PLD1: variants seen among roughly 807,000 people sequenced by gnomAD.
PLD1 encodes the protein choline phosphatase 1.
A neutral mutation model predicts 137.1 loss-of-function variants in PLD1; 112 were observed. The ratio of observed to expected loss-of-function variants is 0.82; its 90% CI spans 0.70 to 0.96. The LOEUF is 0.96. Among genes scored for constraint, PLD1 ranks in the 40% least tolerant of loss-of-function variants. The pLI is 0.00. For synonymous variants in PLD1, 431 were observed against 454.7 expected (o/e 0.95, Z 0.66); for missense variants, 1,321 against 1,342.0 (o/e 0.98, Z 0.24).
chr3:171,787,256 A>G (rs1723044701), intron 1 of PLD1, among the ~76,000 whole-genome samples: 1 of 152,138 alleles, frequency 6.6e-6, no homozygotes, highest in Non-Finnish European at 1.5e-5. Context: ...GGTTTTACCG[A>G]GTCTGTATGG....
intron 23 of PLD1, among the ~76,000 whole-genome samples, chr3:171,632,259 C>A (rs1734731697): frequency 6.6e-6 from 1 of 152,142 alleles, no homozygotes; most frequent in African/African-American, 2.4e-5. Flanking sequence ...ATCATGAAAG[C>A]TCTGCCACCC....
At chr3:171,690,781 C>T (rs1354406415) in intron 13 of PLD1, among the ~76,000 whole-genome samples, 2 of 152,296 alleles carry the variant, frequency 1.3e-5, no homozygotes, top group Non-Finnish European at 2.9e-5. Context: ...CCCAAGTGCA[C>T]TTGAGAAGAA....
At chr3:171,780,371 A>AT (rs1341797517) in intron 1 of PLD1, among the ~76,000 whole-genome samples, 1 of 152,242 alleles carries the variant, frequency 6.6e-6, no homozygotes, top group Non-Finnish European at 1.5e-5. Context: ...TAAGTCTGAG[A>AT]TTCAGGACTT....
Position 171,602,559 on chromosome 3 carries a change from C to T in PLD1, c.*519G>A, listed in dbSNP as rs1166046318. ...CTCATTTGGGTGAATGTTACTACTT[C>T]AGGACCAGATGAGCAGGGGCATCCC... On this transcript the variant is annotated 3_prime_UTR_variant, in exon 27 of 27. Coordinates refer to ENST00000351298, the MANE Select transcript of PLD1 (RefSeq NM_002662.5). 6.0e-6 allele frequency: 1 copy of T among 165,594 alleles called. No individual in the cohort carries two copies. The highest frequency in any genetic ancestry group is 1.3e-5 in the Non-Finnish European group (1 of 75,522). The allele number at this position is 165,594 out of a possible 1,614,324, so 10.3% of individuals were successfully genotyped here. A position where few individuals can be genotyped will look rare whatever the true frequency, so the allele number is the denominator to read the frequency against.
At chr3:171,765,951 T>C (rs972469401) in intron 1 of PLD1, among the ~76,000 whole-genome samples, 2 of 152,316 alleles carry the variant, frequency 1.3e-5, no homozygotes, top group East Asian at 3.9e-4. Context: ...TTTAATTAGC[T>C]ATAAAAACCT....
Position 171,763,450 on chromosome 3 carries a change from AGGAGG to A in PLD1, c.-31-25373_-31-25369del, listed in dbSNP as rs1175069900. ...AAACAGAGAAGAAAAGAAGAGAAAGAGGAGGGGAGGGGAGGGGAGGGGAGGGGAGG... is the reference window on the plus strand; with the variant it reads ...AAACAGAGAAGAAAAGAAGAGAAAGAGGAGGGGAGGGGAGGGGAGGGGAGG... On this transcript the variant is annotated intron_variant, in intron 1 of 26. Coordinates refer to ENST00000351298, the MANE Select transcript of PLD1 (RefSeq NM_002662.5). 7.9e-3 allele frequency among the ~76,000 whole-genome samples: 570 copies of A among 71,762 alleles called. 14 individuals carry two copies. The highest frequency in any genetic ancestry group is 9.5e-3 in the African/African-American group (140 of 14,768). 47.1% of individuals were successfully genotyped at this position (71,762 alleles called of 152,430 possible).
intron 1 of PLD1, among the ~76,000 whole-genome samples, chr3:171,804,941 C>T (rs1423010136): frequency 2.0e-5 from 3 of 152,202 alleles, no homozygotes; most frequent in East Asian, 3.8e-4. Flanking sequence ...TTTGTTTCTC[C>T]CCTCCCTTTC....
At chr3:171,666,127 CT>C (rs1392713000) in intron 19 of PLD1, 2 of 152,234 alleles carry the variant, frequency 1.3e-5, no homozygotes, top group Non-Finnish European at 2.9e-5. Flanking sequence ...GCTTTAAATG[CT>C]TGATGGCCTA....
chr3:171,616,331 G>C (rs749729938), intron 24 of PLD1, among the ~76,000 whole-genome samples: 35 of 152,082 alleles, frequency 2.3e-4, no homozygotes, highest in Non-Finnish European at 4.0e-4. Flanking sequence ...TTTGTGGTTT[G>C]TGCTTATTTT....
chr3:171,727,486 T>C (rs1466531921), intron 6 of PLD1, among the ~76,000 whole-genome samples: 2 of 152,224 alleles, frequency 1.3e-5, no homozygotes, highest in African/African-American at 4.8e-5. Context: ...TTGCAGATCG[T>C]TTTGAAAAGT....
chr3:171,680,513 C>T (rs1214118890), intron 16 of PLD1, among the ~76,000 whole-genome samples: 12 of 152,142 alleles, frequency 7.9e-5, no homozygotes, highest in African/African-American at 1.9e-4. Context: ...GGATTACAGG[C>T]GTGAGCCACC....
At chr3:171,653,685 G>GAATATC (rs1736972175) in intron 21 of PLD1, 1 of 136,262 alleles carries the variant, frequency 7.3e-6, no homozygotes, top group African/African-American at 2.6e-5. Context: ...ATTTGAATAT[G>GAATATC]ATGCCTCTTT....
chr3:171,785,498 G>C (rs1433474773), intron 1 of PLD1, among the ~76,000 whole-genome samples: 3 of 150,502 alleles, frequency 2.0e-5, no homozygotes, highest in Admixed American at 1.3e-4. Context: ...GAGTGCACTG[G>C]CATGATCTCA....
intron 8 of PLD1, among the ~76,000 whole-genome samples, chr3:171,722,701 A>G (rs1718219436): frequency 6.6e-6 from 1 of 152,182 alleles, no homozygotes; most frequent in Non-Finnish European, 1.5e-5. Flanking sequence ...TGTAATTCAC[A>G]TATCATAAAA....
intron 3 of PLD1, 150 bp from the exon 4 acceptor site, chr3:171,735,787 A>G (rs1719312943): frequency 1.7e-6 from 1 of 598,440 alleles, no homozygotes; most frequent in Non-Finnish European, 3.0e-6. Flanking sequence ...TTGTTTCAAA[A>G]GCAGCCAATT....
At chr3:171,665,065 C>A (rs76484768) in intron 19 of PLD1, among the ~76,000 whole-genome samples, 1,845 of 152,292 alleles carry the variant, frequency 0.012, 33 homozygotes, top group African/African-American at 0.039. Context: ...TACTTTCTTT[C>A]CTTTCTCACT....
intron 16 of PLD1, among the ~76,000 whole-genome samples, chr3:171,680,084 G>A (rs1468839102): frequency 6.6e-6 from 1 of 151,856 alleles, no homozygotes; most frequent in East Asian, 1.9e-4. Context: ...GGTGTCCTCT[G>A]GTCGTGCCAC....
intron 1 of PLD1, among the ~76,000 whole-genome samples, chr3:171,746,078 C>T (rs1407079831): frequency 6.6e-6 from 1 of 152,228 alleles, no homozygotes; most frequent in Admixed American, 6.5e-5. Flanking sequence ...CCGGCCCGCC[C>T]CACTGCGCTT....
intron 1 of PLD1, among the ~76,000 whole-genome samples, chr3:171,738,303 GA>G (rs916822939): frequency 2.7e-4 from 34 of 125,764 alleles, no homozygotes; most frequent in Middle Eastern, 4.3e-3. Context: ...GAAAACAAGA[GA>G]AAAAAAAAAG....
Sources: allele counts gnomAD v4.1 joint callset (sites outside exome capture counted in the v4.1 genomes callset), GRCh38; gene constraint gnomAD v4.1.1; transcripts MANE v1.5; gene names NCBI Gene and HGNC (gene_info 2026-07-23, HGNC 2026-07-21).